Variants in DOCK9 observed in about 807,000 individuals in gnomAD.
DOCK9 encodes dedicator of cytokinesis 9, also known as dedicator of cytokinesis protein 9.
DOCK9 carries 89 observed loss-of-function variants against 263.3 expected under a neutral mutation model. The observed-to-expected ratio is 0.34, with a 90% confidence interval of 0.28 to 0.40. The LOEUF (loss-of-function observed/expected upper bound fraction) is 0.40, where lower values mean the gene tolerates loss of function less well. Ranked by LOEUF, DOCK9 falls within the 10% of genes least tolerant of loss-of-function variation. The pLI is 1.00. For synonymous variants in DOCK9, 976 were observed against 973.1 expected, an observed-to-expected ratio of 1.00 and a Z score of -0.06; for missense variants, 2,140 against 2,603.4, an observed-to-expected ratio of 0.82 and a Z score of 3.87.
intron 39 of DOCK9, among the ~76,000 whole-genome samples, chr13:98,835,212 G>C (rs1437599482): frequency 6.6e-6 from 1 of 152,126 alleles, no homozygotes; most frequent in Non-Finnish European, 1.5e-5. Context: ...CCAATTAAGA[G>C]AGTCAGTAAC....
intron 13 of DOCK9, among the ~76,000 whole-genome samples, chr13:98,900,639 G>C (rs1319631520): frequency 6.6e-6 from 1 of 152,192 alleles, no homozygotes; most frequent in African/African-American, 2.4e-5. Flanking sequence ...ACTCATACAT[G>C]ATCTGTTTGA....
At chr13:98,959,171 G>C (rs1044213397) in intron 1 of DOCK9, among the ~76,000 whole-genome samples, 4 of 152,216 alleles carry the variant, frequency 2.6e-5, no homozygotes, top group Middle Eastern at 6.3e-3. Context: ...CTGTTAAACA[G>C]AACTCTTTCT....
At chr13:98,979,714 C>T (rs1290328828), upstream of DOCK9, among the ~76,000 whole-genome samples, 1 of 151,996 alleles carries the variant, frequency 6.6e-6, no homozygotes, top group Non-Finnish European at 1.5e-5. Context: ...ATAATATTAT[C>T]TATAAATTTT....
At chr13:98,902,055 C>CA (rs2048357386) in intron 12 of DOCK9, among the ~76,000 whole-genome samples, 155 bp from the exon 13 acceptor site, 1 of 152,270 alleles carries the variant, frequency 6.6e-6, no homozygotes, top group African/African-American at 2.4e-5. Flanking sequence ...ATCATCTGCT[C>CA]AAAAAGTCTA....
chr13:99,035,647 C>G (rs145477418), intron 1 of DOCK9, among the ~76,000 whole-genome samples: 2 of 152,322 alleles, frequency 1.3e-5, no homozygotes, highest in East Asian at 3.9e-4. Flanking sequence ...TCAATCAACC[C>G]TGAACTGTTT....
intron 45 of DOCK9, among the ~76,000 whole-genome samples, chr13:98,822,536 A>T (rs761327167): frequency 6.6e-6 from 1 of 152,198 alleles, no homozygotes; most frequent in Non-Finnish European, 1.5e-5. Flanking sequence ...GGTTTCTGCA[A>T]GGAGACAATG....
exon 1 of DOCK9, chr13:99,086,479 C>G: frequency 7.4e-6 from 4 of 541,876 alleles, no homozygotes; most frequent in Non-Finnish European, 9.4e-6. Context: ...CGCCTGCTCC[C>G]CCCGCTGCTC....
chr13:98,858,522 T>C (rs2093763325), intron 33 of DOCK9: 1 of 152,196 alleles, frequency 6.6e-6, no homozygotes, highest in South Asian at 2.1e-4. Context: ...AACTCCCTGA[T>C]GAACAAAGAA....
At chr13:98,907,665 C>G (rs2049328675) in intron 9 of DOCK9, among the ~76,000 whole-genome samples, 1 of 152,146 alleles carries the variant, frequency 6.6e-6, no homozygotes. Flanking sequence ...ATCTATTGCT[C>G]TGCTACAAGA....
chr13:99,062,340 C>T (rs1266766987), intron 1 of DOCK9, among the ~76,000 whole-genome samples: 2 of 152,202 alleles, frequency 1.3e-5, no homozygotes, highest in Non-Finnish European at 2.9e-5. Context: ...TCATTGCCCC[C>T]TCCCAAGCAA....
chr13:98,807,648 AACATGGTCAT>A lies in DOCK9; in HGVS notation c.5514+3_5514+12del, dbSNP rs1423439214. On this transcript the variant is annotated splice_donor_5th_base_variant and intron_variant, in intron 48 of 52. Coordinates refer to ENST00000682017, the MANE Select transcript of DOCK9 (RefSeq NM_001366683.2). ...ATTACATTGCTATGAAACTTATCCA[AACATGGTCAT>A]ACCTTGCCAGAATCCTGTATCATTT... 1 of 1,588,006 alleles carries A rather than the reference AACATGGTCAT, an allele frequency of 6.3e-7. No homozygotes were observed.
intron 1 of DOCK9, among the ~76,000 whole-genome samples, chr13:98,968,047 TA>T (rs1595721546): frequency 6.6e-6 from 1 of 152,262 alleles, no homozygotes; most frequent in East Asian, 1.9e-4. Context: ...GCTTTTAAGC[TA>T]AAGAATGTGT....
At chr13:98,949,950 G>A (rs2140863042) in intron 2 of DOCK9, 1 of 488,834 alleles carries the variant, frequency 2.0e-6, no homozygotes, top group Non-Finnish European at 4.0e-6. Context: ...TGTGCTGTCT[G>A]TCAGAGGGAT....
At chr13:98,876,942 C>T (rs1379952912) in intron 27 of DOCK9, among the ~76,000 whole-genome samples, 5 of 152,194 alleles carry the variant, frequency 3.3e-5, no homozygotes. Context: ...AGAGTTTCCA[C>T]TTAAGCACTT....
At chr13:98,989,282 C>T (rs1879198772) in intron 1 of DOCK9, among the ~76,000 whole-genome samples, 1 of 149,924 alleles carries the variant, frequency 6.7e-6, no homozygotes. Flanking sequence ...CTAGTTCTGC[C>T]TCAAGTCATT....
chr13:98,859,751 G>GTATATATATATATATATATA lies in DOCK9; in HGVS notation c.3697+653_3697+654insTATATATATATATATATATA, dbSNP rs544974823. On this transcript the variant is annotated intron_variant, in intron 33 of 52. Coordinates refer to ENST00000682017, the MANE Select transcript of DOCK9 (RefSeq NM_001366683.2). ...TGTTTGTGTGTGTGTGTGTGTGTGT[G>GTATATATATATATATATATA]TGTATATATATATATATATATGTAA... 13 of 139,380 alleles carry GTATATATATATATATATATA rather than the reference G, an allele frequency of 9.3e-5. No individual in the cohort carries two copies. The South Asian group carries it at 2.8e-3, about 30-fold the overall frequency. The allele number at this position is 139,380 out of a possible 1,614,324, so 8.6% of individuals were successfully genotyped here. A position where few individuals can be genotyped will look rare whatever the true frequency, so the allele number is the denominator to read the frequency against.
intron 21 of DOCK9, 131 bp from the exon 22 acceptor site, chr13:98,884,030 G>A (rs1377531087): frequency 4.2e-5 from 26 of 620,626 alleles, no homozygotes; most frequent in African/African-American, 5.6e-5. Context: ...CGACTGTGCC[G>A]GGCCCATGGC....
At chr13:98,928,629 A>T (rs2053427542) in intron 3 of DOCK9, among the ~76,000 whole-genome samples, 1 of 152,224 alleles carries the variant, frequency 6.6e-6, no homozygotes, top group Non-Finnish European at 1.5e-5. Flanking sequence ...AAAAGGCAAG[A>T]TCATAAATAT....
At chr13:98,953,578 T>C (rs2057688145) in intron 2 of DOCK9, among the ~76,000 whole-genome samples, 1 of 152,266 alleles carries the variant, frequency 6.6e-6, no homozygotes, top group Admixed American at 6.5e-5. Flanking sequence ...GTTACTTTAA[T>C]TAATACCAAG....
Sources: allele counts gnomAD v4.1 joint callset (sites outside exome capture counted in the v4.1 genomes callset), GRCh38; gene constraint gnomAD v4.1.1; transcripts MANE v1.5; gene names NCBI Gene and HGNC (gene_info 2026-07-23, HGNC 2026-07-21).